Variants in MPPED2 observed in about 807,000 individuals in gnomAD.
The protein encoded by MPPED2 is metallophosphoesterase MPPED2.
MPPED2 carries 5 observed loss-of-function variants against 33.0 expected under a neutral mutation model. That is an observed-to-expected ratio of 0.15 (90% CI 0.08 to 0.32). The LOEUF is 0.32. MPPED2 is among the 10% of genes least tolerant of loss of function. The pLI is 1.00. For missense variants in MPPED2, 275 were observed against 372.1 expected (o/e 0.74, Z 2.15); for synonymous variants, 136 against 141.9 (o/e 0.96, Z 0.29).
intron 4 of MPPED2, among the ~76,000 whole-genome samples, chr11:30,488,585 C>T (rs1216684755): frequency 1.3e-5 from 2 of 152,170 alleles, no homozygotes; most frequent in East Asian, 1.9e-4. Flanking sequence ...TCATCAATGG[C>T]GAGGTAGGAA....
At chr11:30,408,971 T>G (rs1038904441), downstream of MPPED2, among the ~76,000 whole-genome samples, 1 of 152,168 alleles carries the variant, frequency 6.6e-6, no homozygotes, top group African/African-American at 2.4e-5. Context: ...CTCGTGCATA[T>G]GAAATGGTGG....
intron 4 of MPPED2, among the ~76,000 whole-genome samples, chr11:30,442,985 T>C (rs929886209): frequency 1.3e-5 from 2 of 152,104 alleles, no homozygotes; most frequent in African/African-American, 4.8e-5. Flanking sequence ...AGCAAAATCC[T>C]GTCTCAAGGA....
chr11:30,478,563 T>C (rs750475601), intron 4 of MPPED2, among the ~76,000 whole-genome samples: 1 of 152,086 alleles, frequency 6.6e-6, no homozygotes, highest in Non-Finnish European at 1.5e-5. Flanking sequence ...CACAGACCAA[T>C]GATGGCAATG....
intron 4 of MPPED2, among the ~76,000 whole-genome samples, chr11:30,477,001 A>T (rs1317704853): frequency 3.9e-5 from 6 of 152,148 alleles, no homozygotes; most frequent in Admixed American, 2.6e-4. Flanking sequence ...TTAACATTTT[A>T]AAAAATTCAT....
At chr11:30,516,028 G>C (rs964148915) in intron 3 of MPPED2, among the ~76,000 whole-genome samples, 1 of 152,088 alleles carries the variant, frequency 6.6e-6, no homozygotes, top group Non-Finnish European at 1.5e-5. Flanking sequence ...GCAAATGCAT[G>C]GTATGAGTAA....
At chr11:30,535,951 G>A (rs117025040) in intron 3 of MPPED2, 43 bp downstream of exon 3, 43,365 of 1,510,236 alleles carry the variant, frequency 0.029, 822 homozygotes, top group Admixed American at 0.083. Context: ...ACACTCGGAC[G>A]GGAAAGGTTA....
chr11:30,558,742 T>A (rs888358655), intron 2 of MPPED2, among the ~76,000 whole-genome samples: 1 of 151,840 alleles, frequency 6.6e-6, no homozygotes, highest in African/African-American at 2.4e-5. Flanking sequence ...TTCTTCCTTC[T>A]TCCTTTTCTC....
Position 30,411,175 on chromosome 11 carries a change from C to CT in MPPED2, c.*292dup. 9.6e-7 allele frequency: 1 copy of CT among 1,040,000 alleles called. No individual in the cohort carries two copies. Among genetic ancestry groups the CT allele is most frequent in the South Asian group, 4.4e-5 (1 of 22,670 alleles). 64.4% of individuals were successfully genotyped at this position (1,040,000 alleles called of 1,614,324 possible). The stretch of plus-strand genomic sequence containing the variant: ...GCATATTAAAATAAGACTTTTATCA[C>CT]TTTTTAAAAGAAAGCTTGGCTGTCC... On this transcript the variant is annotated 3_prime_UTR_variant, in exon 7 of 7. Coordinates refer to ENST00000358117, the MANE Select transcript of MPPED2 (RefSeq NM_001584.3).
chr11:30,433,589 T>C (rs1949180998), intron 4 of MPPED2, among the ~76,000 whole-genome samples: 1 of 152,202 alleles, frequency 6.6e-6, no homozygotes, highest in African/African-American at 2.4e-5. Context: ...TGAATGTCAC[T>C]TTAGGAAACA....
rs779382227 is a variant in MPPED2, at chr11:30,560,755, T to C, written c.128+19491A>G. On this transcript the variant is annotated intron_variant, in intron 2 of 6. Transcript: ENST00000358117. ...ACTTATGTGATTCACTTACAGGCGA[T>C]GCAAATGCAATCTTGCTGATTACAT... is the stretch of plus-strand genomic sequence containing the variant. Among the ~76,000 whole-genome samples the C allele has an allele frequency of 9.7e-4, 147 of 152,234 alleles. 1 individual carries two copies. Among genetic ancestry groups the C allele is most frequent in the Admixed American group, 5.2e-4 (8 of 15,274 alleles).
intron 4 of MPPED2, among the ~76,000 whole-genome samples, chr11:30,453,826 T>C (rs1950166530): frequency 6.6e-6 from 1 of 152,192 alleles, no homozygotes; most frequent in Non-Finnish European, 1.5e-5. Context: ...GCCAGGAATC[T>C]CAGACTAAGT....
chr11:30,398,563 C>T (rs1947866386), intron 6 of MPPED2, among the ~76,000 whole-genome samples: 1 of 152,152 alleles, frequency 6.6e-6, no homozygotes, highest in South Asian at 2.1e-4. Flanking sequence ...CATGAGGCTA[C>T]TAAGTTGCCT....
intron 2 of MPPED2, among the ~76,000 whole-genome samples, chr11:30,574,877 C>T (rs1053551352): frequency 6.6e-6 from 1 of 152,182 alleles, no homozygotes; most frequent in Non-Finnish European, 1.5e-5. Flanking sequence ...TTATCCAACA[C>T]TCCCTCCTGC....
chr11:30,524,232 G>A lies in MPPED2; in HGVS notation c.310+11762C>T, dbSNP rs573627743. ...AGCGCCATTGCACTCCAGCCTGGGC[G>A]ACAAGAGTGAGACTCTGTCTCAAAA... is the stretch of plus-strand genomic sequence containing the variant. On this transcript the variant is annotated intron_variant, in intron 3 of 6. Transcript: ENST00000358117. Among the ~76,000 whole-genome samples the A allele has an allele frequency of 7.9e-5, 12 of 152,068 alleles. No homozygotes were observed. The East Asian group carries it at 1.9e-3, about 25-fold the overall frequency.
At chr11:30,513,026 A>T (rs1037066180) in intron 3 of MPPED2, among the ~76,000 whole-genome samples, 2 of 151,806 alleles carry the variant, frequency 1.3e-5, no homozygotes. Flanking sequence ...AAAAAAAAAA[A>T]GTAAATCAGT....
intron 2 of MPPED2, among the ~76,000 whole-genome samples, chr11:30,538,073 A>G (rs539826555): frequency 3.1e-4 from 47 of 152,242 alleles, no homozygotes; most frequent in African/African-American, 1.1e-3. Context: ...TCCCTATACC[A>G]ATAGTTAAAT....
intron 3 of MPPED2, among the ~76,000 whole-genome samples, chr11:30,529,165 T>C (rs1408154005): frequency 1.3e-5 from 2 of 152,156 alleles, no homozygotes; most frequent in African/African-American, 2.4e-5. Flanking sequence ...ACTCATAGTT[T>C]TATCAATTTT....
chr11:30,494,572 T>C (rs1342299859), intron 4 of MPPED2, among the ~76,000 whole-genome samples: 1 of 151,742 alleles, frequency 6.6e-6, no homozygotes, highest in East Asian at 1.9e-4. Context: ...ACCCCGTCTC[T>C]ACTAAAAATA....
At chr11:30,538,558 C>A (rs946916161) in intron 2 of MPPED2, among the ~76,000 whole-genome samples, 1 of 152,130 alleles carries the variant, frequency 6.6e-6, no homozygotes, top group Non-Finnish European at 1.5e-5. Context: ...TCTTTCTCCA[C>A]CTCCCACCTC....
Sources: allele counts gnomAD v4.1 joint callset (sites outside exome capture counted in the v4.1 genomes callset), GRCh38; gene constraint gnomAD v4.1.1; transcripts MANE v1.5; gene names NCBI Gene and HGNC (gene_info 2026-07-23, HGNC 2026-07-21).